The following ZNF761 variants were observed in gnomAD, a reference collection of about 807,000 sequenced individuals.
ZNF761 encodes the protein zinc finger protein 761.
Under a neutral mutation model 59.9 loss-of-function variants are expected in ZNF761, and 43 were observed. The ratio of observed to expected loss-of-function variants is 0.72; its 90% confidence interval spans 0.56 to 0.92. The LOEUF (loss-of-function observed/expected upper bound fraction) is 0.92. ZNF761 is among the 40% of genes least tolerant of loss of function. The pLI is 0.00. For missense variants in ZNF761, 850 were observed against 906.1 expected (o/e 0.94, Z 0.79); for synonymous variants, 294 against 304.8 (o/e 0.96, Z 0.37).
chr19:53,458,062 A>G lies in ZNF761; in HGVS notation c.*1314A>G, dbSNP rs1402663291. On this transcript the variant is annotated 3_prime_UTR_variant, in exon 5 of 5. Coordinates refer to ENST00000684525, the MANE Select transcript of ZNF761 (RefSeq NM_001289951.2). Reference sequence around the variant, plus strand: ...TTCTTTAAGTTCTCCAGCAAATGGAAGTGTTTTAAAATTTTCTTTTAAAAT... The same window carrying G: ...TTCTTTAAGTTCTCCAGCAAATGGAGGTGTTTTAAAATTTTCTTTTAAAAT... 6.6e-6 allele frequency: 1 copy of G among 152,414 alleles called. No individual in the cohort carries two copies. Among genetic ancestry groups the G allele is most frequent in the Non-Finnish European group, 1.5e-5 (1 of 68,190 alleles). 9.4% of individuals were successfully genotyped at this position (152,414 alleles called of 1,614,324 possible).
intron 1 of ZNF761, among the ~76,000 whole-genome samples, chr19:53,445,688 T>TA (rs199913667): frequency 1.3e-5 from 2 of 151,948 alleles, no homozygotes; most frequent in African/African-American, 4.8e-5. Context: ...AAAATAAAAT[T>TA]AAAAAAAATT....
At chr19:53,432,217 C>G (rs1332173413) in intron 1 of ZNF761, among the ~76,000 whole-genome samples, 189 bp downstream of exon 1, 1 of 152,170 alleles carries the variant, frequency 6.6e-6, no homozygotes, top group Non-Finnish European at 1.5e-5. Flanking sequence ...GAGGCTGGTC[C>G]CGTCCCGGGT....
At chr19:53,438,002 C>T (rs1402972916) in intron 1 of ZNF761, among the ~76,000 whole-genome samples, 1 of 119,614 alleles carries the variant, frequency 8.4e-6, no homozygotes, top group African/African-American at 2.8e-5. Flanking sequence ...GAACTACTTC[C>T]ACCTGTGAAG....
rs770592412 is a variant in ZNF761 at position 53,455,152 on chromosome 19, C to T, written c.645C>T (p.Phe215=). ...AAGTACACATGAGAGAAAAATCTTTCCAATGTAATGAGAGTGGCAAAGCCT... is the reference window on the plus strand; with the variant it reads ...AAGTACACATGAGAGAAAAATCTTTTCAATGTAATGAGAGTGGCAAAGCCT... The part of the protein sequence containing the change: ...KQEVHMREKS[F]QCNESGKAFN... The change falls in exon 5 of 5, where the codon TTC becomes TTT. Residue 215 remains phenylalanine, a synonymous_variant. Transcript: ENST00000684525. 1 of 1,614,166 alleles carries T rather than the reference C, an allele frequency of 6.2e-7. No individual in the cohort carries two copies. The highest frequency in any genetic ancestry group is 8.5e-7 in the Non-Finnish European group (1 of 1,180,034).
intron 1 of ZNF761, among the ~76,000 whole-genome samples, chr19:53,432,695 G>GAGACAGAAAACCTGAGACA (rs2085985407): frequency 6.6e-6 from 1 of 151,878 alleles, no homozygotes. Flanking sequence ...AGAGAGCAGT[G>GAGACAGAAAACCTGAGACA]GAAAACCTGA....
intron 2 of ZNF761, 72 bp from the exon 3 acceptor site, chr19:53,447,124 G>T (rs1963774442): frequency 4.9e-6 from 5 of 1,013,214 alleles, no homozygotes; most frequent in Non-Finnish European, 2.9e-6. Context: ...GGTCGCCTTT[G>T]TATGTGTGGT....
At chr19:53,446,108 C>T (rs1264836426) in intron 1 of ZNF761, 119 bp from the exon 2 acceptor site, 1 of 161,746 alleles carries the variant, frequency 6.2e-6, no homozygotes, top group Admixed American at 6.5e-5. Flanking sequence ...AGATGTCTCC[C>T]ATGCCCTCCC....
At position 53,456,193 on chromosome 19, in the gene ZNF761, G is replaced by C. The variant is rs1225247645; in HGVS notation, c.1686G>C (p.Gln562His). ...AGTGTGGCAAGACCTTCAATCAGCA[G>C]TTAACCCTTAAACGCCATCGTAGAC... is the stretch of plus-strand genomic sequence containing the variant. ...CKECGKTFNQ[Q>H]LTLKRHRRLH... Residue 562 changes from glutamine to histidine, a missense_variant, in exon 5 of 5, where the codon CAG (glutamine) becomes CAC (histidine). Transcript: ENST00000684525. 3 of 1,612,960 alleles carry C rather than the reference G, an allele frequency of 1.9e-6. No homozygotes were observed. Among genetic ancestry groups the C allele is most frequent in the Non-Finnish European group, 2.5e-6 (3 of 1,179,792 alleles).
At position 53,447,222 on chromosome 19, in the gene ZNF761, G is replaced by T. The variant is rs8111707; in HGVS notation, c.-47G>T. ...ATTGACTTCTAAAGACTCTTGGTAC[G>T]TGAGGAAGAAACCCGGAAGAGGAAG... is the stretch of plus-strand genomic sequence containing the variant. On this transcript the variant is annotated 5_prime_UTR_variant, in exon 3 of 5. Transcript: ENST00000684525. The T allele has an allele frequency of 0.24, 381,971 of 1,605,614 alleles. 47,924 individuals are homozygous for T. The highest frequency in any genetic ancestry group is 0.26 in the Non-Finnish European group (307,770 of 1,175,566).
chr19:53,454,493 A>G (rs921193964), intron 4 of ZNF761, among the ~76,000 whole-genome samples, 157 bp from the exon 5 acceptor site: 3 of 152,236 alleles, frequency 2.0e-5, no homozygotes, highest in Middle Eastern at 3.4e-3. Context: ...ATCGCCCTTT[A>G]TTTGTTAAAG....
intron 4 of ZNF761, chr19:53,449,857 T>G: frequency 9.4e-7 from 1 of 1,064,700 alleles, no homozygotes; most frequent in African/African-American, 1.6e-5. Context: ...TGGGCAAATT[T>G]TTTAGTTTGT....
At chr19:53,433,035 A>C (rs538113347) in intron 1 of ZNF761, among the ~76,000 whole-genome samples, 58,077 of 122,948 alleles carry the variant, frequency 0.47, 10,902 homozygotes, top group African/African-American at 0.59. Context: ...GGTGCTAGAG[A>C]GTGGGGACAG....
At chr19:53,441,676 A>G (rs111429805) in intron 1 of ZNF761, 65 of 476,932 alleles carry the variant, frequency 1.4e-4, no homozygotes, top group African/African-American at 9.7e-4. Context: ...TGAACTCCTG[A>G]CCTCAGGTGA....
At position 53,457,276 on chromosome 19, in the gene ZNF761, G is replaced by A. The variant is rs1226866927; in HGVS notation, c.*528G>A. 2.4e-6 allele frequency: 1 copy of A among 424,734 alleles called. No individual in the cohort carries two copies. The highest frequency in any genetic ancestry group is 2.0e-5 in the African/African-American group (1 of 48,818). The allele number at this position is 424,734 out of a possible 1,614,324, so 26.3% of individuals were successfully genotyped here. The stretch of plus-strand genomic sequence containing the variant: ...AAATGTGGCAGATTTTTCAGACATT[G>A]TTCATACCTTGCAGTTCATCGGTGA... On this transcript the variant is annotated 3_prime_UTR_variant, in exon 5 of 5. Coordinates refer to ENST00000684525, the MANE Select transcript of ZNF761 (RefSeq NM_001289951.2).
At chr19:53,453,349 A>G (rs896282630) in intron 4 of ZNF761, among the ~76,000 whole-genome samples, 1 of 152,136 alleles carries the variant, frequency 6.6e-6, no homozygotes, top group African/African-American at 2.4e-5. Context: ...CATAAATCAG[A>G]TGGTAGTGAT....
At chr19:53,437,312 C>A (rs1196443439) in intron 1 of ZNF761, among the ~76,000 whole-genome samples, 3 of 75,428 alleles carry the variant, frequency 4.0e-5, no homozygotes, top group Admixed American at 1.6e-4. Flanking sequence ...AGCAAGACTC[C>A]ATCTCAAAAA....
chr19:53,441,667 G>C, intron 1 of ZNF761: 1 of 455,326 alleles, frequency 2.2e-6, no homozygotes, highest in Non-Finnish European at 4.1e-6. Context: ...GGCTGGCCTT[G>C]AACTCCTGAC....
Position 53,455,322 on chromosome 19 carries a change from G to C in ZNF761, c.815G>C (p.Cys272Ser). 1.2e-6 allele frequency: 2 copies of C among 1,614,242 alleles called. No homozygotes were observed. The highest frequency in any genetic ancestry group is 1.7e-6 in the Non-Finnish European group (2 of 1,180,042). The change falls in exon 5 of 5, where the codon TGT becomes TCT. Residue 272 changes from cysteine (C) to serine (S), a missense_variant. Physicochemically the swap from Cys to Ser is moderately radical, Grantham distance 112. Transcript: ENST00000684525. ...RCHTGENPYK[C>S]NECGKTFSQT... ...CACACTGGTGAGAATCCTTACAAGT[G>C]TAATGAGTGTGGCAAGACCTTCAGT...
chr19:53,434,622 C>T (rs75613863), intron 1 of ZNF761, among the ~76,000 whole-genome samples: 6 of 152,214 alleles, frequency 3.9e-5, no homozygotes, highest in East Asian at 3.9e-4. Flanking sequence ...TTAATTCTTC[C>T]AGTGAGTCTG....
Sources: allele counts gnomAD v4.1 joint callset (sites outside exome capture counted in the v4.1 genomes callset), GRCh38; gene constraint gnomAD v4.1.1; transcripts MANE v1.5; gene names NCBI Gene and HGNC (gene_info 2026-07-23, HGNC 2026-07-21).